The following EXOC6B variants were observed in gnomAD, a reference collection of about 807,000 sequenced individuals.
The protein encoded by EXOC6B is SEC15 homolog B.
EXOC6B carries 54 observed loss-of-function variants against 113.5 expected under a neutral mutation model. The ratio of observed to expected loss-of-function variants is 0.48; its 90% CI spans 0.38 to 0.60. The LOEUF is 0.60. Ranked by LOEUF, EXOC6B falls within the 20% of genes least tolerant of loss-of-function variation. The probability of loss-of-function intolerance (pLI) is 0.00; values close to 1 mark genes in which losing one functional copy is unlikely to be tolerated. For synonymous variants in EXOC6B, 357 were observed against 339.0 expected, an observed-to-expected ratio of 1.05 and a Z score of -0.58; for missense variants, 797 against 977.5, an observed-to-expected ratio of 0.82 and a Z score of 2.46.
At chr2:72,185,684 TTA>T (rs1678378279) in intron 20 of EXOC6B, among the ~76,000 whole-genome samples, 1 of 151,998 alleles carries the variant, frequency 6.6e-6, no homozygotes, top group East Asian at 1.9e-4. Context: ...CCTCAGAGAG[TTA>T]TCCTTTAGAA....
intron 8 of EXOC6B, among the ~76,000 whole-genome samples, chr2:72,538,519 T>C (rs1046845139): frequency 1.3e-5 from 2 of 152,204 alleles, no homozygotes; most frequent in African/African-American, 4.8e-5. Context: ...CATTCCTTTT[T>C]TGGCGATGAG....
intron 1 of EXOC6B, among the ~76,000 whole-genome samples, chr2:72,778,712 A>G (rs1382508582): frequency 6.6e-6 from 1 of 152,142 alleles, no homozygotes; most frequent in Non-Finnish European, 1.5e-5. Flanking sequence ...AAGATTTGCT[A>G]TTAGTCATCT....
chr2:72,301,351 T>C (rs1359175899), intron 20 of EXOC6B, among the ~76,000 whole-genome samples: 3 of 152,244 alleles, frequency 2.0e-5, no homozygotes, highest in Non-Finnish European at 2.9e-5. Flanking sequence ...ATCAGGATGA[T>C]GCTGGCCTCA....
intron 17 of EXOC6B, among the ~76,000 whole-genome samples, chr2:72,471,144 T>A (rs1698384578): frequency 6.6e-6 from 1 of 152,082 alleles, no homozygotes; most frequent in African/African-American, 2.4e-5. Context: ...TCCTGACTTT[T>A]TAATGATCGC....
chr2:72,496,563 T>C lies in EXOC6B; in HGVS notation c.1338-4A>G, dbSNP rs1418017959. On this transcript the variant is annotated splice_polypyrimidine_tract_variant and splice_region_variant and intron_variant, in intron 13 of 21. Coordinates refer to ENST00000272427, the MANE Select transcript of EXOC6B (RefSeq NM_015189.3). ...GTTGTCAGAATCAAGTATGTTTCTA[T>C]AAATGGAAGGATAGACAAAGGGAAG... 3.2e-6 allele frequency: 5 copies of C among 1,548,420 alleles called. No individual in the cohort carries two copies. In the South Asian group the frequency reaches 5.8e-5, roughly 18 times the overall value.
chr2:72,362,825 T>C (rs530437388), intron 19 of EXOC6B, among the ~76,000 whole-genome samples: 1 of 152,258 alleles, frequency 6.6e-6, no homozygotes, highest in South Asian at 2.1e-4. Context: ...CCAACCATGG[T>C]ATTTTGCATA....
In EXOC6B at chr2:72,568,290, G is replaced by GA. The variant is rs543671864; in HGVS notation, c.846+7201dup. ...TGTGGCTGCAAGGAAAAAAACGAAG[G>GA]AAAAAAATCTGCTAGAAAGAACATT... On this transcript the variant is annotated intron_variant, in intron 7 of 21. Coordinates refer to ENST00000272427, the MANE Select transcript of EXOC6B (RefSeq NM_015189.3). Among the ~76,000 whole-genome samples, 251 of 151,862 alleles carry GA rather than the reference G, an allele frequency of 1.7e-3. 1 individual carries two copies. The highest frequency in any genetic ancestry group is 2.2e-3 in the Non-Finnish European group (150 of 67,838).
chr2:72,488,758 A>G (rs1699568540), intron 16 of EXOC6B, among the ~76,000 whole-genome samples: 1 of 152,326 alleles, frequency 6.6e-6, no homozygotes, highest in East Asian at 1.9e-4. Context: ...GATTTCTGCC[A>G]TAATTCCCTA....
chr2:72,220,783 C>G (rs1025652514), intron 20 of EXOC6B, among the ~76,000 whole-genome samples: 12 of 152,078 alleles, frequency 7.9e-5, no homozygotes, highest in Non-Finnish European at 1.5e-4. Context: ...AACATTGTAC[C>G]CTGGGTAATG....
chr2:72,696,100 A>G (rs1421377703), intron 6 of EXOC6B, among the ~76,000 whole-genome samples: 1 of 152,210 alleles, frequency 6.6e-6, no homozygotes. Flanking sequence ...TACTCTCCAT[A>G]TGTCAGTCAT....
At chr2:72,643,001 A>C (rs1002384538) in intron 6 of EXOC6B, among the ~76,000 whole-genome samples, 2 of 151,832 alleles carry the variant, frequency 1.3e-5, no homozygotes, top group Non-Finnish European at 2.9e-5. Flanking sequence ...GCAGCCAAAA[A>C]ACATGAAAAA....
At chr2:72,578,486 C>T (rs149510739) in intron 6 of EXOC6B, among the ~76,000 whole-genome samples, 19 of 152,156 alleles carry the variant, frequency 1.2e-4, no homozygotes, top group African/African-American at 4.3e-4. Context: ...ATTACCTTTC[C>T]TTGCCTCAAT....
intron 1 of EXOC6B, among the ~76,000 whole-genome samples, chr2:72,756,434 G>A (rs573011146): frequency 6.6e-6 from 1 of 152,236 alleles, no homozygotes; most frequent in South Asian, 2.1e-4. Flanking sequence ...AGTTTGGAGT[G>A]ATGGCTCAAG....
intron 13 of EXOC6B, among the ~76,000 whole-genome samples, chr2:72,497,820 A>G (rs890968442): frequency 6.6e-6 from 1 of 152,226 alleles, no homozygotes; most frequent in African/African-American, 2.4e-5. Flanking sequence ...AAAAGAGAAG[A>G]AAGTCAAATG....
intron 20 of EXOC6B, among the ~76,000 whole-genome samples, chr2:72,193,269 G>C (rs1013347397): frequency 2.6e-5 from 4 of 152,116 alleles, no homozygotes; most frequent in Non-Finnish European, 4.4e-5. Flanking sequence ...AGCAGATTAA[G>C]AGAACAATTG....
chr2:72,517,051 G>A (rs544748955), intron 8 of EXOC6B, among the ~76,000 whole-genome samples: 52 of 152,162 alleles, frequency 3.4e-4, no homozygotes, highest in Non-Finnish European at 4.3e-4. Flanking sequence ...TCGACTTAAG[G>A]TACTAGTCAT....
intron 18 of EXOC6B, among the ~76,000 whole-genome samples, chr2:72,450,523 A>G (rs537390567): frequency 6.6e-6 from 1 of 150,452 alleles, no homozygotes; most frequent in East Asian, 1.9e-4. Context: ...AGAGTCAATA[A>G]GACAAGTAGA....
intron 20 of EXOC6B, among the ~76,000 whole-genome samples, chr2:72,218,517 T>A (rs958564426): frequency 6.6e-6 from 1 of 152,210 alleles, no homozygotes; most frequent in Non-Finnish European, 1.5e-5. Context: ...TTAGTAATGA[T>A]TTATTTCTTC....
chr2:72,823,991 G>GA (rs953457365), intron 1 of EXOC6B, among the ~76,000 whole-genome samples: 4 of 152,146 alleles, frequency 2.6e-5, no homozygotes, highest in Non-Finnish European at 5.9e-5. Context: ...TGGGAATTGA[G>GA]AAAAGCACAA....
Sources: allele counts gnomAD v4.1 joint callset (sites outside exome capture counted in the v4.1 genomes callset), GRCh38; gene constraint gnomAD v4.1.1; transcripts MANE v1.5; gene names NCBI Gene and HGNC (gene_info 2026-07-23, HGNC 2026-07-21).